Variants in SAMMSON observed in about 807,000 individuals in gnomAD.
The protein encoded by SAMMSON is survival associated mitochondrial melanoma specific oncogenic non-coding RNA.
intron 7 of SAMMSON, among the ~76,000 whole-genome samples, chr3:70,318,206 T>A (rs529692131): frequency 6.6e-6 from 1 of 152,154 alleles, no homozygotes; most frequent in East Asian, 1.9e-4. Context: ...ATATTGTTTT[T>A]CTGTCCCATT....
At chr3:70,238,616 GAA>G (rs144973336) in intron 4 of SAMMSON, among the ~76,000 whole-genome samples, 1 of 144,256 alleles carries the variant, frequency 6.9e-6, no homozygotes, top group East Asian at 2.0e-4. Flanking sequence ...TCTCAAAAAA[GAA>G]AAAAAAAAGT....
chr3:70,405,601 G>A (rs1374298456), intron 2 of SAMMSON, among the ~76,000 whole-genome samples: 1 of 152,158 alleles, frequency 6.6e-6, no homozygotes, highest in Non-Finnish European at 1.5e-5. Flanking sequence ...ACCCTGCAGA[G>A]AAGTAATCGA....
At chr3:70,110,911 A>T (rs2067385507) in intron 4 of SAMMSON, among the ~76,000 whole-genome samples, 1 of 152,216 alleles carries the variant, frequency 6.6e-6, no homozygotes, top group Non-Finnish European at 1.5e-5. Flanking sequence ...AGAAATTAGT[A>T]ACCAGGGAGA....
chr3:70,301,780 T>G (rs1162586322), intron 7 of SAMMSON, among the ~76,000 whole-genome samples: 1 of 152,124 alleles, frequency 6.6e-6, no homozygotes, highest in African/African-American at 2.4e-5. Flanking sequence ...GGAATTTATA[T>G]TCAAGATATT....
intron 6 of SAMMSON, among the ~76,000 whole-genome samples, chr3:70,267,337 G>C (rs1701924734): frequency 1.3e-5 from 2 of 148,894 alleles, no homozygotes; most frequent in South Asian, 2.1e-4. Context: ...TTTTCCATGA[G>C]ACCTACCTTT....
intron 3 of SAMMSON, chr3:70,069,026 T>A (rs1433498911): frequency 6.6e-6 from 1 of 152,086 alleles, no homozygotes; most frequent in Non-Finnish European, 1.5e-5. Context: ...TGGTGTCTCA[T>A]GGGCATAACT....
chr3:70,300,904 C>T (rs560046213), intron 7 of SAMMSON, among the ~76,000 whole-genome samples: 1 of 152,036 alleles, frequency 6.6e-6, no homozygotes, highest in South Asian at 2.1e-4. Context: ...AGTTATGTTG[C>T]TGTTTTTAAA....
At chr3:70,022,539 G>A (rs2067020229) in intron 3 of SAMMSON, among the ~76,000 whole-genome samples, 2 of 151,206 alleles carry the variant, frequency 1.3e-5, no homozygotes, top group Admixed American at 1.3e-4. Flanking sequence ...TGGTCTTTCA[G>A]TTGGGAACAT....
intron 4 of SAMMSON, among the ~76,000 whole-genome samples, chr3:70,171,153 A>AT (rs554472556): frequency 6.6e-5 from 10 of 151,762 alleles, no homozygotes; most frequent in Admixed American, 3.3e-4. Context: ...CATACACAAC[A>AT]TTTTTTTTAA....
chr3:70,186,051 C>T (rs1352942133), intron 4 of SAMMSON, among the ~76,000 whole-genome samples: 1 of 152,022 alleles, frequency 6.6e-6, no homozygotes, highest in East Asian at 1.9e-4. Flanking sequence ...CTGTGACCTA[C>T]AGAGATCTAT....
chr3:70,217,691 A>G (rs573310597), intron 4 of SAMMSON, among the ~76,000 whole-genome samples: 6 of 152,256 alleles, frequency 3.9e-5, no homozygotes, highest in Admixed American at 3.3e-4. Flanking sequence ...GTAATCTGAA[A>G]TCTCTTGCAT....
At chr3:70,285,900 G>C (rs1702157347) in intron 6 of SAMMSON, among the ~76,000 whole-genome samples, 1 of 151,308 alleles carries the variant, frequency 6.6e-6, no homozygotes. Flanking sequence ...CTTTTTGATG[G>C]GGTTGTTTGT....
chr3:70,164,284 C>T (rs373544245), intron 4 of SAMMSON, among the ~76,000 whole-genome samples: 173 of 152,072 alleles, frequency 1.1e-3, no homozygotes, highest in Middle Eastern at 3.4e-3. Context: ...TCCTCATCTA[C>T]TCATGGTAAT....
At chr3:70,319,860 G>T (rs912155877) in intron 7 of SAMMSON, among the ~76,000 whole-genome samples, 10 of 151,982 alleles carry the variant, frequency 6.6e-5, no homozygotes, top group Admixed American at 3.3e-4. Flanking sequence ...GTATATTATT[G>T]CCTCAGTTAA....
At position 70,090,957 on chromosome 3, in the gene SAMMSON, A is replaced by G. The variant is rs547767620; in HGVS notation, n.507+19392A>G. Among the ~76,000 whole-genome samples the G allele has an allele frequency of 1.3e-4, 20 of 152,314 alleles. No homozygotes were observed. The South Asian group carries it at 2.9e-3, about 22-fold the overall frequency. On this transcript the variant is annotated intron_variant and non_coding_transcript_variant, in intron 4 of 9. Coordinates refer to ENST00000642114, the Ensembl canonical transcript of SAMMSON. Reference sequence around the variant, plus strand: ...TTCTTCCTCCTCCTTCTAAAAATGCAGGATCAATGTATATGTTAATATTAT... The same window carrying G: ...TTCTTCCTCCTCCTTCTAAAAATGCGGGATCAATGTATATGTTAATATTAT...
chr3:70,269,370 T>TTG (rs1701953254), intron 6 of SAMMSON, among the ~76,000 whole-genome samples: 6 of 152,178 alleles, frequency 3.9e-5, no homozygotes, highest in Non-Finnish European at 8.8e-5. Context: ...TCTGGATACA[T>TTG]AGACACCCTG....
intron 7 of SAMMSON, among the ~76,000 whole-genome samples, chr3:70,298,829 C>T (rs542603018): frequency 1.3e-5 from 2 of 152,234 alleles, no homozygotes; most frequent in East Asian, 3.9e-4. Context: ...ATCAGAATAC[C>T]TGGCTTGGGA....
chr3:70,025,812 C>A (rs2067035221), intron 3 of SAMMSON, among the ~76,000 whole-genome samples: 1 of 151,886 alleles, frequency 6.6e-6, no homozygotes, highest in African/African-American at 2.4e-5. Flanking sequence ...TGTATTCGTA[C>A]AATAAAGTAA....
At chr3:70,072,772 C>T (rs756564916) in intron 4 of SAMMSON, 1 of 151,322 alleles carries the variant, frequency 6.6e-6, no homozygotes, top group Non-Finnish European at 1.5e-5. Flanking sequence ...ACGTGATACA[C>T]ATTTAAACTA....
Sources: gnomAD v4.1 joint callset for allele counts (sites outside exome capture counted in the v4.1 genomes callset) on GRCh38, gnomAD v4.1.1 for gene constraint, MANE v1.5 for transcripts, NCBI Gene and HGNC (gene_info 2026-07-23, HGNC 2026-07-21) for gene names.